Variants in KHDC4 observed in about 807,000 individuals in gnomAD.
KHDC4 encodes KH domain containing 4, pre-mRNA splicing factor, also known as KH homology domain-containing protein 4.
Under a neutral mutation model 74.5 loss-of-function variants are expected in KHDC4, and 19 were observed. The observed-to-expected ratio is 0.26, with a 90% CI of 0.18 to 0.37. The LOEUF (loss-of-function observed/expected upper bound fraction) is 0.37, where lower values mean the gene tolerates loss of function less well. Among genes scored for constraint, KHDC4 ranks in the 10% least tolerant of loss-of-function variants. The pLI is 1.00. For missense variants in KHDC4, 632 were observed against 754.1 expected (o/e 0.84, Z 1.90); for synonymous variants, 253 against 266.1 (o/e 0.95, Z 0.48).
At chr1:155,918,336 T>G (rs2102597948) in intron 10 of KHDC4, among the ~76,000 whole-genome samples, 1 of 152,238 alleles carries the variant, frequency 6.6e-6, no homozygotes, top group South Asian at 2.1e-4. Flanking sequence ...CCTACCAGGT[T>G]CAAGCGATTC....
In KHDC4 at chr1:155,921,476, A is replaced by C; in HGVS notation, c.1165T>G (p.Ser389Ala). The C allele has an allele frequency of 6.2e-7, 1 of 1,614,118 alleles. No individual in the cohort carries two copies. The highest frequency in any genetic ancestry group is 8.5e-7 in the Non-Finnish European group (1 of 1,180,024). Reference sequence around the variant, plus strand: ...GCCGGCAAGACTCCAGGTGCTAATGAAACAGCTGGTGGCACTATGCTTGGT... The same window carrying C: ...GCCGGCAAGACTCCAGGTGCTAATGCAACAGCTGGTGGCACTATGCTTGGT... ...GVPSIVPPAVSLAPGVLPALP... is the reference protein window; with the variant it reads ...GVPSIVPPAVALAPGVLPALP... Residue 389 changes from serine (S) to alanine (A), a missense_variant, in exon 10 of 14, where the codon TCA becomes GCA. Physicochemically the swap from Ser to Ala is moderately conservative, Grantham distance 99 (BLOSUM62 1). Coordinates refer to ENST00000368321, the MANE Select transcript of KHDC4 (RefSeq NM_014949.4).
intron 4 of KHDC4, among the ~76,000 whole-genome samples, chr1:155,928,409 G>A (rs1242017996): frequency 6.6e-6 from 1 of 151,942 alleles, no homozygotes; most frequent in African/African-American, 2.4e-5. Context: ...TTCTTGGCTT[G>A]GGGTAGGAAT....
Position 155,925,752 on chromosome 1 carries a change from G to T in KHDC4, c.773C>A (p.Ser258Tyr). The T allele has an allele frequency of 6.2e-7, 1 of 1,614,140 alleles. No individual in the cohort carries two copies. The highest frequency in any genetic ancestry group is 8.5e-7 in the Non-Finnish European group (1 of 1,179,982). Residue 258 changes from serine (S) to tyrosine (Y), a missense_variant, in exon 7 of 14, where the codon TCC becomes TAC. By Grantham distance (144) the Ser-to-Tyr change is moderately radical. Coordinates refer to ENST00000368321, the MANE Select transcript of KHDC4 (RefSeq NM_014949.4). The part of the protein sequence containing the change: ...VKEKVEGPGC[S>Y]YLQHIQIETG... The stretch of plus-strand genomic sequence containing the variant: ...TTCAATCTGAATGTGCTGCAAATAG[G>T]AGCAGCCTGGACCTTCCACCTTCTC...
rs370075138 is a variant in KHDC4 at position 155,921,678 on chromosome 1, A to G, written c.1013-50T>C. 1.7e-5 allele frequency: 27 copies of G among 1,581,180 alleles called. No individual in the cohort carries two copies. The African/African-American group carries it at 3.4e-4, about 20-fold the overall frequency. ...TAATCAGCTGCAGCAGAATGAGACAATTTAGCTGAATATTAAACTTAATAT... is the reference window on the plus strand; with the variant it reads ...TAATCAGCTGCAGCAGAATGAGACAGTTTAGCTGAATATTAAACTTAATAT... On this transcript the variant is annotated intron_variant, in intron 9 of 13. Coordinates refer to ENST00000368321, the MANE Select transcript of KHDC4 (RefSeq NM_014949.4).
chr1:155,929,746 C>T lies in KHDC4; in HGVS notation c.350G>A (p.Arg117Lys). The T allele has an allele frequency of 6.2e-7, 1 of 1,612,738 alleles. No individual in the cohort carries two copies. Among genetic ancestry groups the T allele is most frequent in the Non-Finnish European group, 8.5e-7 (1 of 1,179,508 alleles). Residue 117 changes from arginine to lysine, a missense_variant, in exon 3 of 14, where the codon AGG becomes AAG. Around this residue, in one of 4 missense-constraint regions of KHDC4, gnomAD observed 233 missense variants for 342.6 expected, o/e 0.68. Coordinates refer to ENST00000368321, the MANE Select transcript of KHDC4 (RefSeq NM_014949.4). ...VEINDVPLTC[R>K]NLLTRGQTQD... ...AGTCTGTCCTCGAGTCAGCAAGTTCCTACATGTGAGAGGCACATCATTAAT... is the reference window on the plus strand; with the variant it reads ...AGTCTGTCCTCGAGTCAGCAAGTTCTTACATGTGAGAGGCACATCATTAAT...
chr1:155,927,716 T>C (rs933175073), intron 4 of KHDC4, among the ~76,000 whole-genome samples: 4 of 141,706 alleles, frequency 2.8e-5, no homozygotes, highest in African/African-American at 8.0e-5. Context: ...GGCACAAGAA[T>C]CACTTGAACC....
At chr1:155,926,225 G>T (rs930321125) in intron 6 of KHDC4, 3 of 393,380 alleles carry the variant, frequency 7.6e-6, no homozygotes, top group Middle Eastern at 8.5e-4. Flanking sequence ...ATACCGTGGA[G>T]AGCTGGATAA....
intron 10 of KHDC4, among the ~76,000 whole-genome samples, chr1:155,920,967 T>G (rs1221353671): frequency 6.6e-6 from 1 of 152,230 alleles, no homozygotes; most frequent in Non-Finnish European, 1.5e-5. Flanking sequence ...CCACCTGTTT[T>G]GTAAATAAAG....
intron 13 of KHDC4, 164 bp from the exon 14 acceptor site, chr1:155,914,484 G>A (rs1426942148): frequency 1.2e-5 from 7 of 579,664 alleles, no homozygotes; most frequent in African/African-American, 5.7e-5. Context: ...AAGATCACAC[G>A]AAAAACAGCA....
intron 4 of KHDC4, among the ~76,000 whole-genome samples, chr1:155,927,873 C>A (rs1467353579): frequency 4.1e-5 from 2 of 49,220 alleles, no homozygotes; most frequent in African/African-American, 1.6e-4. Context: ...CACACACACA[C>A]AAAATTAATG....
rs1674010966 is a variant in KHDC4 at position 155,926,799 on chromosome 1, C to T, written c.558G>A (p.Val186=). Residue 186 remains valine, a synonymous_variant, in exon 6 of 14, where the codon GTG becomes GTA. Transcript: ENST00000368321. ...NRIKEIITNG[V]VKAATGTSPT... is the part of the protein sequence containing the mutation. Reference sequence around the variant, plus strand: ...GACTTGTTCCTGTGGCAGCTTTTACCACTCCATTGGTGATAATTTCTTTGA... The same window carrying T: ...GACTTGTTCCTGTGGCAGCTTTTACTACTCCATTGGTGATAATTTCTTTGA... 1 of 1,614,028 alleles carries T rather than the reference C, an allele frequency of 6.2e-7. No individual in the cohort carries two copies. Among genetic ancestry groups the T allele is most frequent in the African/African-American group, 1.3e-5 (1 of 74,892 alleles).
chr1:155,927,835 CACACACACACACACA>C (rs1674047067), intron 4 of KHDC4, among the ~76,000 whole-genome samples: 5 of 9,218 alleles, frequency 5.4e-4, no homozygotes, highest in Admixed American at 1.6e-3. Context: ...AAAAAAACCA[CACACACACACACACA>C]CACACACACA....
intron 8 of KHDC4, among the ~76,000 whole-genome samples, chr1:155,922,720 C>T (rs1673893631): frequency 6.6e-6 from 1 of 152,030 alleles, no homozygotes; most frequent in African/African-American, 2.4e-5. Flanking sequence ...ATTATTAAGT[C>T]CATAACCTCA....
intron 2 of KHDC4, chr1:155,932,265 C>T (rs1340706877): frequency 1.3e-5 from 2 of 152,136 alleles, no homozygotes; most frequent in Non-Finnish European, 2.9e-5. Context: ...AGAAGAATTA[C>T]AGAGGAGCTG....
chr1:155,933,614 ACC>A lies in KHDC4; in HGVS notation c.255+17_255+18del, dbSNP rs766122693. ...ACTATTAAATTCGCAATTAGTGGAG[ACC>A]CTTCAACTTCAAATACCTTCTCAGA... On this transcript the variant is annotated intron_variant, in intron 2 of 13. Coordinates refer to ENST00000368321, the MANE Select transcript of KHDC4 (RefSeq NM_014949.4). 2 of 1,572,862 alleles carry A rather than the reference ACC, an allele frequency of 1.3e-6. No individual in the cohort carries two copies.
chr1:155,928,593 C>CAAAAA (rs10555758), intron 4 of KHDC4, among the ~76,000 whole-genome samples: 62 of 89,308 alleles, frequency 6.9e-4, no homozygotes, highest in African/African-American at 8.1e-4. Context: ...ATCATAAAGA[C>CAAAAA]AAAAAAAAAA....
chr1:155,928,224 T>A (rs1163522628), intron 4 of KHDC4, among the ~76,000 whole-genome samples: 7 of 151,824 alleles, frequency 4.6e-5, no homozygotes, highest in African/African-American at 1.7e-4. Context: ...AAATACAAAA[T>A]TTAGCCGGGT....
At chr1:155,915,682 T>C in intron 13 of KHDC4, 191 bp downstream of exon 13, 2 of 507,500 alleles carry the variant, frequency 3.9e-6, no homozygotes, top group South Asian at 8.0e-5. Flanking sequence ...AGTTTTTGTA[T>C]TTTTAGTAGA....
At chr1:155,923,074 G>A (rs1011590271) in intron 8 of KHDC4, among the ~76,000 whole-genome samples, 8 of 151,478 alleles carry the variant, frequency 5.3e-5, no homozygotes, top group Middle Eastern at 3.4e-3. Flanking sequence ...GCGTAGTGGC[G>A]GGCGCCTGTA....
Sources: gnomAD v4.1 joint callset for allele counts (sites outside exome capture counted in the v4.1 genomes callset) on GRCh38, gnomAD v4.1.1 for gene constraint, gnomAD v4.1.1 regional missense constraint, MANE v1.5 for transcripts, NCBI Gene and HGNC (gene_info 2026-07-23, HGNC 2026-07-21) for gene names.